AGK: variants seen among roughly 807,000 people sequenced by gnomAD.
The protein encoded by AGK is acylglycerol kinase.
AGK carries 52 observed loss-of-function variants against 66.4 expected under a neutral mutation model. The observed-to-expected ratio is 0.78, with a 90% confidence interval of 0.63 to 0.99. AGK has a LOEUF of 0.99. AGK is among the 50% of genes least tolerant of loss of function. AGK has a pLI of 0.00. For synonymous variants in AGK, 182 were observed against 181.1 expected (o/e 1.00, Z -0.04); for missense variants, 451 against 506.6 (o/e 0.89, Z 1.05).
rs185610557 is a variant in AGK at position 141,650,749 on chromosome 7, G to A, written c.1047-776G>A. ...CCAAGTAGACCGCGTTATAAATACA[G>A]TCATCCCACGGTATCCTTGGGGTAT... is the stretch of plus-strand genomic sequence containing the variant. On this transcript the variant is annotated intron_variant, in intron 14 of 15. Coordinates refer to ENST00000649286, the MANE Select transcript of AGK (RefSeq NM_018238.4). The A allele has an allele frequency of 4.1e-3, 3,683 of 893,898 alleles. 6 individuals carry two copies. Among genetic ancestry groups the A allele is most frequent in the Non-Finnish European group, 4.5e-3 (3,363 of 746,552 alleles). The allele number at this position is 893,898 out of a possible 1,614,324, so 55.4% of individuals were successfully genotyped here. A position where few individuals can be genotyped will look rare whatever the true frequency, so the allele number is the denominator to read the frequency against.
At chr7:141,604,676 C>T (rs1032484668) in intron 5 of AGK, among the ~76,000 whole-genome samples, 4 of 150,116 alleles carry the variant, frequency 2.7e-5, no homozygotes, top group Non-Finnish European at 5.9e-5. Context: ...CTCCGCCTCC[C>T]GGGTTCAAGC....
At chr7:141,613,419 A>G (rs1796638776) in intron 6 of AGK, among the ~76,000 whole-genome samples, 1 of 152,092 alleles carries the variant, frequency 6.6e-6, no homozygotes, top group Non-Finnish European at 1.5e-5. Context: ...CAGAGTTTGA[A>G]ACCAGCGTGA....
At chr7:141,576,682 G>A (rs998238708) in intron 2 of AGK, among the ~76,000 whole-genome samples, 2 of 151,184 alleles carry the variant, frequency 1.3e-5, no homozygotes, top group East Asian at 1.9e-4. Context: ...AAGAATAAGA[G>A]AGCTGAACAT....
At chr7:141,600,798 T>C (rs1279446911) in intron 4 of AGK, among the ~76,000 whole-genome samples, 1 of 152,186 alleles carries the variant, frequency 6.6e-6, no homozygotes, top group African/African-American at 2.4e-5. Flanking sequence ...ATTAGTAGTT[T>C]GGTCTGCTTT....
intron 9 of AGK, 46 bp downstream of exon 9, chr7:141,621,847 C>A: frequency 7.4e-7 from 1 of 1,359,088 alleles, no homozygotes; most frequent in South Asian, 1.2e-5. Context: ...AAGTAATACT[C>A]GCTTACATGT....
At chr7:141,624,002 T>C (rs1220910226) in intron 9 of AGK, among the ~76,000 whole-genome samples, 4 of 152,028 alleles carry the variant, frequency 2.6e-5, no homozygotes, top group Non-Finnish European at 4.4e-5. Flanking sequence ...TCCTGGGTGA[T>C]AGTACATCTG....
At chr7:141,554,627 T>A (rs1587052025) in intron 1 of AGK, among the ~76,000 whole-genome samples, 1 of 152,222 alleles carries the variant, frequency 6.6e-6, no homozygotes. Context: ...AATTATGTCC[T>A]TACTCTCATG....
intron 9 of AGK, among the ~76,000 whole-genome samples, chr7:141,628,934 C>T (rs1796998773): frequency 1.3e-5 from 2 of 152,074 alleles, no homozygotes; most frequent in Non-Finnish European, 2.9e-5. Flanking sequence ...GTAGCTTTTT[C>T]TTTTTGTTTT....
chr7:141,577,382 A>T (rs918831383), intron 2 of AGK, among the ~76,000 whole-genome samples: 4 of 152,210 alleles, frequency 2.6e-5, no homozygotes, highest in African/African-American at 9.6e-5. Context: ...ATTGCCACTC[A>T]GACTATGTTT....
At chr7:141,615,134 A>T (rs1000801654) in intron 7 of AGK, among the ~76,000 whole-genome samples, 1 of 152,228 alleles carries the variant, frequency 6.6e-6, no homozygotes. Context: ...AACTTTATCA[A>T]ATAGTGTGAC....
At chr7:141,651,466 T>C (rs1414790857) in intron 14 of AGK, 59 bp from the exon 15 acceptor site, 2 of 1,455,926 alleles carry the variant, frequency 1.4e-6, no homozygotes, top group Admixed American at 3.4e-5. Flanking sequence ...TGCTACATTG[T>C]TGCAACCTAG....
intron 14 of AGK, among the ~76,000 whole-genome samples, chr7:141,650,034 T>C (rs1797518592): frequency 6.6e-6 from 1 of 152,244 alleles, no homozygotes; most frequent in South Asian, 2.1e-4. Context: ...GCTGGTGTGT[T>C]CCCATGCCAA....
At chr7:141,631,859 C>T (rs566510211) in intron 9 of AGK, among the ~76,000 whole-genome samples, 1 of 152,306 alleles carries the variant, frequency 6.6e-6, no homozygotes, top group South Asian at 2.1e-4. Flanking sequence ...TCTCCGGCCT[C>T]ATTTGGATTT....
rs140217932 is a variant in AGK at position 141,622,408 on chromosome 7, G to C, written c.588+607G>C. Among the ~76,000 whole-genome samples, 75 of 152,280 alleles carry C rather than the reference G, an allele frequency of 4.9e-4. 1 individual carries two copies. Among genetic ancestry groups the C allele is most frequent in the East Asian group, 3.9e-3 (20 of 5,190 alleles). On this transcript the variant is annotated intron_variant, in intron 9 of 15. Coordinates refer to ENST00000649286, the MANE Select transcript of AGK (RefSeq NM_018238.4). ...AACGTCTGTGGCAACCCTGCCCCAAGCAAGTCTACCAGTGTCATTTTTCCA... is the reference window on the plus strand; with the variant it reads ...AACGTCTGTGGCAACCCTGCCCCAACCAAGTCTACCAGTGTCATTTTTCCA...
At chr7:141,562,001 C>A in intron 2 of AGK, 1 of 455,510 alleles carries the variant, frequency 2.2e-6, no homozygotes, top group Non-Finnish European at 4.4e-6. Flanking sequence ...GAAAAGAGTC[C>A]TGTGATGTAA....
chr7:141,653,775 ATATCTAAAATTTTATCTAAGTTGG>A lies in AGK; in HGVS notation c.*865_*888del, dbSNP rs1202501955. On this transcript the variant is annotated 3_prime_UTR_variant, in exon 16 of 16. Coordinates refer to ENST00000649286, the MANE Select transcript of AGK (RefSeq NM_018238.4). The stretch of plus-strand genomic sequence containing the variant: ...TGTATACCCTCACCCATCTAAGTTG[ATATCTAAAATTTTATCTAAGTTGG>A]TATCTAAAATTTTTCATGGGAAGTT... 2.6e-5 allele frequency: 4 copies of A among 152,356 alleles called. No homozygotes were observed. Among genetic ancestry groups the A allele is most frequent in the East Asian group, 3.9e-4 (2 of 5,194 alleles). 9.4% of individuals were successfully genotyped at this position (152,356 alleles called of 1,614,324 possible).
At chr7:141,601,768 G>A (rs1449180683) in intron 5 of AGK, among the ~76,000 whole-genome samples, 2 of 152,134 alleles carry the variant, frequency 1.3e-5, no homozygotes, top group Non-Finnish European at 2.9e-5. Flanking sequence ...GTACTATTTC[G>A]AAGATGCAGG....
chr7:141,642,880 TTATC>T (rs1797321429), intron 13 of AGK, among the ~76,000 whole-genome samples: 1 of 152,198 alleles, frequency 6.6e-6, no homozygotes, highest in African/African-American at 2.4e-5. Flanking sequence ...AAAATGTTTA[TTATC>T]TGGTCACTTA....
chr7:141,590,908 C>T (rs748940335), intron 2 of AGK, among the ~76,000 whole-genome samples: 10 of 152,012 alleles, frequency 6.6e-5, no homozygotes, highest in Non-Finnish European at 1.2e-4. Context: ...GGTTGCACAA[C>T]GCTCTTTGCC....
Sources: gnomAD v4.1 joint callset for allele counts (sites outside exome capture counted in the v4.1 genomes callset) on GRCh38, gnomAD v4.1.1 for gene constraint, MANE v1.5 for transcripts, NCBI Gene and HGNC (gene_info 2026-07-23, HGNC 2026-07-21) for gene names.